Variants in RORA observed in about 807,000 individuals in gnomAD.
RORA encodes the protein nuclear receptor ROR-alpha.
RORA carries 7 observed loss-of-function variants against 69.5 expected under a neutral mutation model. That is an observed-to-expected ratio of 0.10 (90% CI 0.06 to 0.19). The LOEUF is 0.19. RORA is among the 10% of genes least tolerant of loss of function. The pLI is 1.00. For synonymous variants in RORA, 261 were observed against 240.8 expected, an observed-to-expected ratio of 1.08 and a Z score of -0.78; for missense variants, 457 against 663.0, an observed-to-expected ratio of 0.69 and a Z score of 3.41.
chr15:60,935,894 G>C lies in RORA; in HGVS notation c.167-257208C>G, dbSNP rs933062676. ...AAAAGTTAGCTTTGCCCTTTTTAGA[G>C]AACATTCTTGTTTACTGCAGACAGA... On this transcript the variant is annotated intron_variant, in intron 1 of 10. Coordinates refer to ENST00000335670, the MANE Select transcript of RORA (RefSeq NM_134261.3). 2.6e-5 allele frequency among the ~76,000 whole-genome samples: 4 copies of C among 152,208 alleles called. No individual in the cohort carries two copies. In the South Asian group the frequency reaches 8.3e-4, roughly 32 times the overall value.
At chr15:61,080,383 A>G (rs1595959979) in intron 1 of RORA, among the ~76,000 whole-genome samples, 1 of 152,300 alleles carries the variant, frequency 6.6e-6, no homozygotes, top group East Asian at 1.9e-4. Flanking sequence ...TGCCAGAGTG[A>G]GAAACTAGAG....
At chr15:60,524,438 G>A (rs567490964) in intron 3 of RORA, among the ~76,000 whole-genome samples, 8 of 152,198 alleles carry the variant, frequency 5.3e-5, no homozygotes, top group African/African-American at 7.2e-5. Flanking sequence ...ATGACCAAGC[G>A]TAAACTTCTA....
At chr15:60,519,505 G>A (rs2066086432) in intron 3 of RORA, among the ~76,000 whole-genome samples, 1 of 152,152 alleles carries the variant, frequency 6.6e-6, no homozygotes, top group Non-Finnish European at 1.5e-5. Flanking sequence ...CTTCTCTTGT[G>A]TGTCAAAAGA....
intron 1 of RORA, among the ~76,000 whole-genome samples, chr15:60,723,382 C>A (rs1314836791): frequency 1.3e-5 from 2 of 150,096 alleles, no homozygotes; most frequent in Non-Finnish European, 3.0e-5. Context: ...ACCATTCCCC[C>A]CCCCACTCAC....
In RORA at chr15:60,493,510, G is replaced by A. The variant is rs1265948350; in HGVS notation, c.*3945C>T. The A allele has an allele frequency of 6.6e-6, 1 of 152,152 alleles. No homozygotes were observed. The highest frequency in any genetic ancestry group is 1.5e-5 in the Non-Finnish European group (1 of 68,030). The allele number at this position is 152,152 out of a possible 1,614,324, so 9.4% of individuals were successfully genotyped here. On this transcript the variant is annotated 3_prime_UTR_variant, in exon 11 of 11. Coordinates refer to ENST00000335670, the MANE Select transcript of RORA (RefSeq NM_134261.3). The stretch of plus-strand genomic sequence containing the variant: ...ACTAGGTTGTTTTGCATTTTGGAAT[G>A]TCGGAACACAACAACTAGCTATTCC...
chr15:60,864,717 C>A (rs2073468012), intron 1 of RORA, among the ~76,000 whole-genome samples: 1 of 152,180 alleles, frequency 6.6e-6, no homozygotes, highest in Non-Finnish European at 1.5e-5. Context: ...TAATTCATGT[C>A]CCTTATAGAT....
chr15:60,796,004 AC>A (rs1453818380), intron 1 of RORA, among the ~76,000 whole-genome samples: 1 of 152,220 alleles, frequency 6.6e-6, no homozygotes, highest in Admixed American at 6.5e-5. Context: ...TGCAAATATA[AC>A]CATCATCATT....
chr15:60,902,128 G>GA lies in RORA; in HGVS notation c.167-223443_167-223442insT, dbSNP rs201898685. Among the ~76,000 whole-genome samples the GA allele has an allele frequency of 3.2e-3, 489 of 152,220 alleles. 12 individuals are homozygous for GA. In the East Asian group the frequency reaches 0.064, roughly 20 times the overall value. ...GAATAATATGACTTGTTTTAATACA[G>GA]TTCTAACTCGATTTTCTACTTCAAT... On this transcript the variant is annotated intron_variant, in intron 1 of 10. Transcript: ENST00000335670.
At chr15:61,137,983 G>A (rs999363645) in intron 1 of RORA, among the ~76,000 whole-genome samples, 2 of 152,280 alleles carry the variant, frequency 1.3e-5, no homozygotes, top group Non-Finnish European at 2.9e-5. Flanking sequence ...GAGACATACA[G>A]GGGGCCATTA....
At chr15:61,117,910 TA>T (rs1448392838) in intron 1 of RORA, among the ~76,000 whole-genome samples, 5 of 152,214 alleles carry the variant, frequency 3.3e-5, no homozygotes, top group Non-Finnish European at 7.3e-5. Context: ...AGAATTAGCT[TA>T]AACACCTTCA....
chr15:61,223,754 T>A (rs2080120319), intron 1 of RORA, among the ~76,000 whole-genome samples: 1 of 152,074 alleles, frequency 6.6e-6, no homozygotes, highest in Non-Finnish European at 1.5e-5. Context: ...ATTCAACAAG[T>A]AAAGGACAAA....
chr15:60,894,920 T>C (rs1318176649), intron 1 of RORA, among the ~76,000 whole-genome samples: 1 of 152,152 alleles, frequency 6.6e-6, no homozygotes, highest in East Asian at 1.9e-4. Context: ...CCAGGGCTCG[T>C]TGTCACAGCA....
At chr15:60,883,159 A>G (rs2073709871) in intron 1 of RORA, among the ~76,000 whole-genome samples, 1 of 91,608 alleles carries the variant, frequency 1.1e-5, no homozygotes, top group Non-Finnish European at 2.3e-5. Context: ...AAAGAAAGAG[A>G]GAGAGAGAGA....
Position 60,790,561 on chromosome 15 carries a change from T to C in RORA, c.167-111875A>G, listed in dbSNP as rs341446. 2.5e-3 allele frequency among the ~76,000 whole-genome samples: 375 copies of C among 152,304 alleles called. 3 individuals are homozygous for C. Among genetic ancestry groups the C allele is most frequent in the African/African-American group, 8.8e-3 (364 of 41,558 alleles). On this transcript the variant is annotated intron_variant, in intron 1 of 10. Coordinates refer to ENST00000335670, the MANE Select transcript of RORA (RefSeq NM_134261.3). ...GAACCTGATGAGTAAGAAGGCTGTA[T>C]ACATATTTTAAAGTGCCTAGGCAAG... is the stretch of plus-strand genomic sequence containing the variant.
In RORA at chr15:61,159,724, A is replaced by G. The variant is rs35357148; in HGVS notation, c.166+69329T>C. On this transcript the variant is annotated intron_variant, in intron 1 of 10. Transcript: ENST00000335670. ...AATCACACTGCATTTTGAATGTGCA[A>G]TGGCAACGAGGTGTGCATTATGTAT... 9.4e-3 allele frequency among the ~76,000 whole-genome samples: 1,435 copies of G among 152,322 alleles called. 20 individuals carry two copies. Among genetic ancestry groups the G allele is most frequent in the Admixed American group, 0.018 (269 of 15,292 alleles).
In RORA at chr15:60,544,027, C is replaced by T. The variant is rs2066990499; in HGVS notation, c.197-12176G>A. 1.3e-5 allele frequency among the ~76,000 whole-genome samples: 2 copies of T among 152,168 alleles called. 1 individual carries two copies. Among genetic ancestry groups the T allele is most frequent in the South Asian group, 4.1e-4 (2 of 4,826 alleles). On this transcript the variant is annotated intron_variant, in intron 2 of 10. Coordinates refer to ENST00000335670, the MANE Select transcript of RORA (RefSeq NM_134261.3). ...AGTGGAGGAAGTGGGAGAGAGGCCT[C>T]ACACACTGGTAAAGTGGGGAAAAGA... is the stretch of plus-strand genomic sequence containing the variant.
intron 1 of RORA, among the ~76,000 whole-genome samples, chr15:60,789,254 C>T (rs772712913): frequency 6.6e-6 from 1 of 152,368 alleles, no homozygotes; most frequent in Admixed American, 6.5e-5. Context: ...GTCCATACTG[C>T]TCCCTGGAAA....
intron 2 of RORA, chr15:60,558,141 G>A: frequency 3.1e-6 from 3 of 954,056 alleles, no homozygotes; most frequent in Non-Finnish European, 4.9e-6. Context: ...CACACCGGGG[G>A]AAAGGGAGGC....
At chr15:60,918,159 T>C (rs1046773958) in intron 1 of RORA, among the ~76,000 whole-genome samples, 2 of 152,260 alleles carry the variant, frequency 1.3e-5, no homozygotes, top group African/African-American at 4.8e-5. Context: ...CCCCAAGTCA[T>C]ATAACTAGTG....
Sources: gnomAD v4.1 joint callset for allele counts (sites outside exome capture counted in the v4.1 genomes callset) on GRCh38, gnomAD v4.1.1 for gene constraint, MANE v1.5 for transcripts, NCBI Gene and HGNC (gene_info 2026-07-23, HGNC 2026-07-21) for gene names.